Variants in ULK1 observed in about 807,000 individuals in gnomAD.
ULK1 encodes the protein unc-51 like autophagy activating kinase 1.
Under a neutral mutation model 117.5 loss-of-function variants are expected in ULK1, and 48 were observed. The observed-to-expected ratio is 0.41, with a 90% CI of 0.32 to 0.52. The LOEUF is 0.52. ULK1 is among the 20% of genes least tolerant of loss of function. The pLI is 0.29. For synonymous variants in ULK1, 790 were observed against 637.8 expected, an observed-to-expected ratio of 1.24 and a Z score of -3.60; for missense variants, 1,387 against 1,473.4, an observed-to-expected ratio of 0.94 and a Z score of 0.96.
chr12:131,919,751 T>C, intron 25 of ULK1, 161 bp downstream of exon 25: 1 of 1,039,864 alleles, frequency 9.6e-7, no homozygotes, highest in Non-Finnish European at 1.4e-6. Flanking sequence ...CAGAGGCCAT[T>C]GGGTCGGACA....
intron 5 of ULK1, 45 bp from the exon 6 acceptor site, chr12:131,908,599 G>C (rs1484682582): frequency 7.0e-7 from 1 of 1,436,722 alleles, no homozygotes; most frequent in South Asian, 1.5e-5. Flanking sequence ...TCACCCCTGG[G>C]GGAGGAAACA....
chr12:131,898,079 G>C (rs955192374), intron 3 of ULK1: 1 of 152,238 alleles, frequency 6.6e-6, no homozygotes, highest in Non-Finnish European at 1.5e-5. Flanking sequence ...CAGAAAGCAC[G>C]GGCTGTGAGG....
chr12:131,909,295 T>A (rs979711829), intron 8 of ULK1, 58 bp downstream of exon 8: 2 of 1,498,764 alleles, frequency 1.3e-6, no homozygotes, highest in Non-Finnish European at 1.8e-6. Flanking sequence ...GTCCGCCAGC[T>A]GCGGTCAGAC....
intron 23 of ULK1, 80 bp from the exon 24 acceptor site, chr12:131,919,132 C>T (rs918591553): frequency 1.1e-5 from 16 of 1,463,820 alleles, no homozygotes; most frequent in South Asian, 4.1e-5. Context: ...CTCCCCAAGG[C>T]GTCATCGGTG....
intron 3 of ULK1, among the ~76,000 whole-genome samples, 153 bp downstream of exon 3, chr12:131,895,977 T>G (rs55857826): frequency 0.22 from 32,936 of 151,898 alleles, 5,810 homozygotes; most frequent in African/African-American, 0.48. Flanking sequence ...CCTGGGCTGG[T>G]GCTGGCTCTT....
chr12:131,910,077 C>T lies in ULK1; in HGVS notation c.808+76C>T, dbSNP rs114361315. On this transcript the variant is annotated intron_variant, in intron 10 of 27. Coordinates refer to ENST00000321867, the MANE Select transcript of ULK1 (RefSeq NM_003565.4). The stretch of plus-strand genomic sequence containing the variant: ...ATTTGCTGATGTGAGCAGGGCCCAC[C>T]GGCTTCACACCCAGCCCCATGTGCA... 2.4e-3 allele frequency: 3,823 copies of T among 1,576,552 alleles called. 51 individuals are homozygous for T. The African/African-American group carries it at 0.034, about 14-fold the overall frequency.
At chr12:131,914,222 T>C in intron 15 of ULK1, 130 bp from the exon 16 acceptor site, 1 of 1,415,980 alleles carries the variant, frequency 7.1e-7, no homozygotes, top group Non-Finnish European at 9.5e-7. Context: ...AGACCTGGCA[T>C]GGGTCTCAGG....
At chr12:131,918,413 G>A (rs1889956776) in intron 22 of ULK1, 84 bp from the exon 23 acceptor site, 2 of 1,473,894 alleles carry the variant, frequency 1.4e-6, no homozygotes, top group Non-Finnish European at 1.8e-6. Context: ...ATTGGGCCCT[G>A]GAGGTGTGGG....
Position 131,913,187 on chromosome 12 carries a change from T to G in ULK1, c.1097-11T>G, listed in dbSNP as rs1389800218. On this transcript the variant is annotated splice_polypyrimidine_tract_variant and intron_variant, in intron 13 of 27. Coordinates refer to ENST00000321867, the MANE Select transcript of ULK1 (RefSeq NM_003565.4). Reference sequence around the variant, plus strand: ...CAAGGACTCCAGGCCCAGCCTTGTCTCCCCCTGCAGGTGACCTGGTGGCTG... The same window carrying G: ...CAAGGACTCCAGGCCCAGCCTTGTCGCCCCCTGCAGGTGACCTGGTGGCTG... 1 of 1,566,280 alleles carries G rather than the reference T, an allele frequency of 6.4e-7. No homozygotes were observed. The highest frequency in any genetic ancestry group is 1.9e-5 in the Admixed American group (1 of 53,192).
intron 11 of ULK1, among the ~76,000 whole-genome samples, 171 bp from the exon 12 acceptor site, chr12:131,910,541 C>T (rs558047294): frequency 6.6e-6 from 1 of 152,216 alleles, no homozygotes; most frequent in East Asian, 1.9e-4. Context: ...GCTGGTGCTG[C>T]CCTGTGACAG....
chr12:131,917,061 C>T lies in ULK1; in HGVS notation c.2181C>T (p.Ile727=), dbSNP rs146595642. The change falls in exon 21 of 28, where the codon ATC becomes ATT. Residue 727 remains isoleucine, a splice_region_variant and synonymous_variant. Transcript: ENST00000321867. The part of the protein sequence containing the change: ...TESLQEKPME[I]APSAGFGGSL... ...GCCTGCAGGAGAAGCCCATGGAGAT[C>T]GGTGTGTGGGTGGGTGGGGCTCGGA... 3.6e-4 allele frequency: 431 copies of T among 1,187,414 alleles called. 1 individual carries two copies. Among genetic ancestry groups the T allele is most frequent in the Middle Eastern group, 1.3e-3 (6 of 4,626 alleles). 73.6% of individuals were successfully genotyped at this position (1,187,414 alleles called of 1,614,324 possible).
chr12:131,917,614 A>G (rs2136408432), intron 22 of ULK1, 60 bp downstream of exon 22: 1 of 1,314,932 alleles, frequency 7.6e-7, no homozygotes, highest in East Asian at 2.9e-5. Flanking sequence ...GCCCTAGCGG[A>G]CGGGGGCATC....
At position 131,915,927 on chromosome 12, in the gene ULK1, G is replaced by A. The variant is rs758549736; in HGVS notation, c.1646G>A (p.Gly549Glu). 1 of 1,612,254 alleles carries A rather than the reference G, an allele frequency of 6.2e-7. No individual in the cohort carries two copies. The highest frequency in any genetic ancestry group is 8.5e-7 in the Non-Finnish European group (1 of 1,179,828). Residue 549 changes from glycine to glutamate, a missense_variant, in exon 19 of 28, where the codon GGG becomes GAG. Coordinates refer to ENST00000321867, the MANE Select transcript of ULK1 (RefSeq NM_003565.4). ...CCCGAGCACTCTCCCCGCACTTCCG[G>A]GCTGGGCTGCCGCCTGCACAGCGCC... ...SAPEHSPRTS[G>E]LGCRLHSAPN...
At position 131,916,798 on chromosome 12, in the gene ULK1, T is replaced by C. The variant is rs1593273011; in HGVS notation, c.2073-155T>C. Among the ~76,000 whole-genome samples the C allele has an allele frequency of 2.0e-5, 3 of 151,962 alleles. No homozygotes were observed. The East Asian group carries it at 5.9e-4, about 30-fold the overall frequency. On this transcript the variant is annotated intron_variant, in intron 20 of 27. Coordinates refer to ENST00000321867, the MANE Select transcript of ULK1 (RefSeq NM_003565.4). Reference sequence around the variant, plus strand: ...CAGGTCCCCGTCCTGAGCCTCGCCATGCCCGCCTGTAAGCTGGGGTGACAG... The same window carrying C: ...CAGGTCCCCGTCCTGAGCCTCGCCACGCCCGCCTGTAAGCTGGGGTGACAG...
Position 131,915,245 on chromosome 12 carries a change from C to T in ULK1, c.1522+14C>T. The T allele has an allele frequency of 6.2e-7, 1 of 1,604,228 alleles. No homozygotes were observed. Among genetic ancestry groups the T allele is most frequent in the Non-Finnish European group, 8.5e-7 (1 of 1,175,382 alleles). On this transcript the variant is annotated intron_variant, in intron 17 of 27. Coordinates refer to ENST00000321867, the MANE Select transcript of ULK1 (RefSeq NM_003565.4). ...CATCTCCTCAAGGTGCGCCTGCAGG[C>T]TGGGGCCTGGGAAGGGGCGTCTGTA...
At chr12:131,917,272 G>C in intron 21 of ULK1, 139 bp from the exon 22 acceptor site, 1 of 828,276 alleles carries the variant, frequency 1.2e-6, no homozygotes, top group Non-Finnish European at 1.6e-6. Flanking sequence ...GACGGGGGTC[G>C]GGTTCGGCTC....
chr12:131,916,197 C>T (rs1889774676), intron 19 of ULK1, 38 bp downstream of exon 19: 1 of 1,590,998 alleles, frequency 6.3e-7, no homozygotes, highest in South Asian at 1.1e-5. Flanking sequence ...GCACAGAGCC[C>T]TGGGGAAGAT....
intron 18 of ULK1, 145 bp downstream of exon 18, chr12:131,915,566 C>T (rs1028312969): frequency 9.3e-7 from 1 of 1,072,034 alleles, no homozygotes. Flanking sequence ...CTCTCCACCT[C>T]CTGGCTGTGT....
chr12:131,905,677 G>A (rs888436882), intron 3 of ULK1, among the ~76,000 whole-genome samples: 2 of 152,168 alleles, frequency 1.3e-5, no homozygotes, highest in Non-Finnish European at 2.9e-5. Flanking sequence ...CTGGTTTGAT[G>A]TGGCTTCCTG....
Sources: allele counts gnomAD v4.1 joint callset (sites outside exome capture counted in the v4.1 genomes callset), GRCh38; gene constraint gnomAD v4.1.1; transcripts MANE v1.5; gene names NCBI Gene and HGNC (gene_info 2026-07-23, HGNC 2026-07-21).